CARD10: variants seen among roughly 807,000 people sequenced by gnomAD.
The protein encoded by CARD10 is caspase recruitment domain family member 10.
A neutral mutation model predicts 114.6 loss-of-function variants in CARD10; 49 were observed. That is an observed-to-expected ratio of 0.43 (90% CI 0.34 to 0.54). CARD10 has a LOEUF of 0.54. Ranked by LOEUF, CARD10 falls within the 20% of genes least tolerant of loss-of-function variation. CARD10 has a pLI of 0.03. For missense variants in CARD10, 1,206 were observed against 1,397.2 expected (o/e 0.86, Z 2.18); for synonymous variants, 602 against 593.2 (o/e 1.01, Z -0.21).
intron 11 of CARD10, among the ~76,000 whole-genome samples, chr22:37,498,351 G>A (rs930645283): frequency 6.6e-6 from 1 of 152,214 alleles, no homozygotes; most frequent in Non-Finnish European, 1.5e-5. Flanking sequence ...CCTGTCCCTG[G>A]ATGAGAAAAG....
In CARD10 at chr22:37,491,743, C is replaced by T. The variant is rs763691661; in HGVS notation, c.2864+12G>A. ...CGAGTGCCCTGCCCACTGCCCCACC[C>T]ACCCACCTCACCTGACTTCCCGGAC... On this transcript the variant is annotated intron_variant, in intron 19 of 19. Coordinates refer to ENST00000251973, the MANE Select transcript of CARD10 (RefSeq NM_014550.4). 9.3e-7 allele frequency: 1 copy of T among 1,071,210 alleles called. No homozygotes were observed. Among genetic ancestry groups the T allele is most frequent in the South Asian group, 1.2e-5 (1 of 80,462 alleles). 66.4% of individuals were successfully genotyped at this position (1,071,210 alleles called of 1,614,324 possible). A position where few individuals can be genotyped will look rare whatever the true frequency, so the allele number is the denominator to read the frequency against.
Position 37,519,215 on chromosome 22 carries a change from G to T in CARD10, c.-15C>A. The T allele has an allele frequency of 6.7e-7, 1 of 1,503,096 alleles. No homozygotes were observed. The highest frequency in any genetic ancestry group is 8.9e-7 in the Non-Finnish European group (1 of 1,129,144). 93.1% of individuals were successfully genotyped at this position (1,503,096 alleles called of 1,614,324 possible). A position where few individuals can be genotyped will look rare whatever the true frequency, so the allele number is the denominator to read the frequency against. ...CGGCCCGGCATGGCCGTGTCCTCAG[G>T]GTCTGCGGGCAAGAGGCGCACGGGG... On this transcript the variant is annotated 5_prime_UTR_variant, in exon 1 of 20. Transcript: ENST00000251973. This position sits in a 1 kb window ranked among gnomAD's most constrained non-coding sequence, Gnocchi z 4.1.
intron 6 of CARD10, among the ~76,000 whole-genome samples, chr22:37,506,602 T>G (rs1923418436): frequency 6.6e-6 from 1 of 152,240 alleles, no homozygotes; most frequent in Non-Finnish European, 1.5e-5. Flanking sequence ...TTCTGCAGAC[T>G]GGGGAAACCA....
intron 3 of CARD10, among the ~76,000 whole-genome samples, chr22:37,510,943 G>A (rs374125249): frequency 6.6e-6 from 1 of 152,194 alleles, no homozygotes; most frequent in South Asian, 2.1e-4. Flanking sequence ...TGAGCTGGGC[G>A]TGGTGGCACA....
In CARD10 at chr22:37,494,126, T is replaced by C; in HGVS notation, c.2436A>G (p.Ala812=). The part of the protein sequence containing the change: ...LVRPKPVGAP[A]GDSPDQLLLE... ...GCAGCAGCTGATCCGGGGAGTCCCC[T>C]GCAGGCGCCCCCACGGGCTTGGGCC... The change falls in exon 16 of 20, where the codon GCA becomes GCG. Residue 812 remains alanine (A), a synonymous_variant. Transcript: ENST00000251973. 1 of 1,560,260 alleles carries C rather than the reference T, an allele frequency of 6.4e-7. No homozygotes were observed. The highest frequency in any genetic ancestry group is 8.7e-7 in the Non-Finnish European group (1 of 1,152,428).
At position 37,492,927 on chromosome 22, in the gene CARD10, A is replaced by G. The variant is rs1343001024; in HGVS notation, c.2477-125T>C. On this transcript the variant is annotated intron_variant, in intron 16 of 19. Transcript: ENST00000251973. The surrounding 1 kb of genome is among the most constrained non-coding windows in gnomAD (Gnocchi z 5.7). ...AGTCCTGCTGCTGCTCCTCCTACAC[A>G]TGCACACACACACACCCTTAGTAGG... 1 of 939,076 alleles carries G rather than the reference A, an allele frequency of 1.1e-6. No homozygotes were observed. 58.2% of individuals were successfully genotyped at this position (939,076 alleles called of 1,614,324 possible). A position where few individuals can be genotyped will look rare whatever the true frequency, so the allele number is the denominator to read the frequency against.
Position 37,516,055 on chromosome 22 carries a change from T to C in CARD10, c.617A>G (p.Asn206Ser). 1 of 1,602,418 alleles carries C rather than the reference T, an allele frequency of 6.2e-7. No homozygotes were observed. The highest frequency in any genetic ancestry group is 1.1e-5 in the South Asian group (1 of 89,280). ...SLELLRLKDE[N>S]YMIAMRLAQL... is the part of the protein sequence containing the mutation. The stretch of plus-strand genomic sequence containing the variant: ...TGCCAGGCGCATGGCGATCATGTAG[T>C]TCTCATCCTTGAGCCGCAGCAGCTC... The change falls in exon 3 of 20, where the codon AAC becomes AGC. Residue 206 changes from asparagine to serine, a missense_variant. Asn to Ser is a conservative substitution (Grantham distance 46). Around this residue, in one of 2 missense-constraint regions of CARD10, gnomAD observed 1,068 missense variants for 1,179.1 expected, o/e 0.91. Transcript: ENST00000251973.
At chr22:37,491,553 G>A (rs1601806240) in intron 19 of CARD10, among the ~76,000 whole-genome samples, 160 bp from the exon 20 acceptor site, 1 of 21,526 alleles carries the variant, frequency 4.6e-5, no homozygotes, top group Non-Finnish European at 8.4e-5. Context: ...GACAGAGAAG[G>A]GGAGGGAGAG....
chr22:37,506,299 G>A lies in CARD10; in HGVS notation c.1276C>T (p.Leu426=). The change falls in exon 7 of 20, where the codon CTG becomes TTG. Residue 426 remains leucine (L), a synonymous_variant. Transcript: ENST00000251973. ...KDQYRKQVRG[L]EAERDELLTT... Reference sequence around the variant, plus strand: ...AGCAGCTCATCCCGCTCCGCCTCCAGGCCCCGCACCTGCTTGCGGTACTGG... The same window carrying A: ...AGCAGCTCATCCCGCTCCGCCTCCAAGCCCCGCACCTGCTTGCGGTACTGG... 1 of 1,610,972 alleles carries A rather than the reference G, an allele frequency of 6.2e-7. No individual in the cohort carries two copies. Among genetic ancestry groups the A allele is most frequent in the Admixed American group, 1.7e-5 (1 of 59,642 alleles).
chr22:37,508,889 G>T, intron 4 of CARD10: 1 of 1,276,578 alleles, frequency 7.8e-7, no homozygotes, highest in Non-Finnish European at 1.1e-6. Flanking sequence ...CCTCCAGGGA[G>T]TATCTGGGGT....
Position 37,506,234 on chromosome 22 carries a change from C to T in CARD10, c.1341G>A (p.Leu447=), listed in dbSNP as rs1228319041. 6.2e-7 allele frequency: 1 copy of T among 1,601,400 alleles called. No homozygotes were observed. The highest frequency in any genetic ancestry group is 8.5e-7 in the Non-Finnish European group (1 of 1,173,338). ...CCTGGGCCCGCTGCAGCTGAACCTC[C>T]AGCAGAGCCTTGGTGCCCTCCAGGC... ...LTSLEGTKAL[L]EVQLQRAQGG... Residue 447 remains leucine, a synonymous_variant, in exon 7 of 20, where the codon CTG becomes CTA. Transcript: ENST00000251973.
chr22:37,516,232 C>A lies in CARD10; in HGVS notation c.440G>T (p.Arg147Leu), dbSNP rs550531365. 6.9e-6 allele frequency: 11 copies of A among 1,604,316 alleles called. No homozygotes were observed. In the African/African-American group the frequency reaches 8.0e-5, roughly 12 times the overall value. Reference sequence around the variant, plus strand: ...CTGCTCCCGCTGCAGCTGGCTCTTGCGAGCTTCCCGCAGCCGTCGCACCTC... The same window carrying A: ...CTGCTCCCGCTGCAGCTGGCTCTTGAGAGCTTCCCGCAGCCGTCGCACCTC... ...MTEVRRLREARKSQLQREQQL... is the reference protein window; with the variant it reads ...MTEVRRLREALKSQLQREQQL... Residue 147 changes from arginine (R) to leucine (L), a missense_variant, in exon 3 of 20, where the codon CGC (arginine) becomes CTC (leucine). Arg to Leu is a moderately radical substitution (Grantham distance 102, BLOSUM62 -2). Transcript: ENST00000251973.
Position 37,516,005 on chromosome 22 carries a change from C to A in CARD10, c.667G>T (p.Ala223Ser). The A allele has an allele frequency of 6.3e-7, 1 of 1,597,232 alleles. No individual in the cohort carries two copies. Residue 223 changes from alanine to serine, a missense_variant, in exon 3 of 20, where the codon GCT (alanine) becomes TCT (serine). Coordinates refer to ENST00000251973, the MANE Select transcript of CARD10 (RefSeq NM_014550.4). ...TGCAGGTCACGGCTGCGAAGTACAG[C>A]CGAGTTCTTCTCCTCACTGAGCTGT... ...LAQLSEEKNS[A>S]VLRSRDLQLA...
At chr22:37,509,822 C>CCT (rs1450556231) in intron 4 of CARD10, among the ~76,000 whole-genome samples, 1 of 95,572 alleles carries the variant, frequency 1.0e-5, no homozygotes, top group Non-Finnish European at 2.3e-5. Flanking sequence ...TGACCTCCTG[C>CCT]CAGCCTGTGC....
intron 16 of CARD10, among the ~76,000 whole-genome samples, chr22:37,493,859 A>C (rs2145752120): frequency 6.6e-6 from 1 of 152,296 alleles, no homozygotes; most frequent in South Asian, 2.1e-4. Context: ...AGTCACAGCC[A>C]CGTCTGCATG....
intron 3 of CARD10, 126 bp from the exon 4 acceptor site, chr22:37,510,547 T>A: frequency 1.3e-6 from 1 of 742,300 alleles, no homozygotes; most frequent in Non-Finnish European, 2.2e-6. Flanking sequence ...GAAGCAGGAG[T>A]CCTCCCCAGG....
In CARD10 at chr22:37,491,092, C is replaced by T. The variant is rs1035961945; in HGVS notation, c.*67G>A. ...TCTAGGAAGGCTCAGGGTGGGAGGGCCCAGCTTCACCATAGACACCAGGGT... is the reference window on the plus strand; with the variant it reads ...TCTAGGAAGGCTCAGGGTGGGAGGGTCCAGCTTCACCATAGACACCAGGGT... On this transcript the variant is annotated 3_prime_UTR_variant, in exon 20 of 20. Transcript: ENST00000251973. 7 of 1,313,488 alleles carry T rather than the reference C, an allele frequency of 5.3e-6. No homozygotes were observed. The African/African-American group carries it at 8.7e-5, about 16-fold the overall frequency. 81.4% of individuals were successfully genotyped at this position (1,313,488 alleles called of 1,614,324 possible).
chr22:37,497,213 C>T (rs747950289), intron 11 of CARD10, 35 bp from the exon 12 acceptor site: 10 of 1,588,846 alleles, frequency 6.3e-6, no homozygotes, highest in Non-Finnish European at 6.0e-6. Context: ...AATTGGAGTC[C>T]AATCAGTACT....
At chr22:37,513,895 T>C (rs1276339599) in intron 3 of CARD10, among the ~76,000 whole-genome samples, 2 of 151,960 alleles carry the variant, frequency 1.3e-5, no homozygotes, top group African/African-American at 4.8e-5. Context: ...GGTCAGGAGT[T>C]TGACACCAGC....
Sources: allele counts gnomAD v4.1 joint callset (sites outside exome capture counted in the v4.1 genomes callset), GRCh38; gene constraint gnomAD v4.1.1; regional missense constraint gnomAD v4.1.1; non-coding constraint Gnocchi (gnomAD v3.1); transcripts MANE v1.5; gene names NCBI Gene and HGNC (gene_info 2026-07-23, HGNC 2026-07-21).